Variants in NREP observed in about 807,000 individuals in gnomAD.
The protein encoded by NREP is neuronal regeneration related protein, also known as neuronal regeneration-related protein.
A neutral mutation model predicts 8.6 loss-of-function variants in NREP; 5 were observed. The observed-to-expected ratio is 0.58, with a 90% CI of 0.30 to 1.22. The LOEUF (loss-of-function observed/expected upper bound fraction) is 1.22. Ranked by LOEUF, NREP falls within the 50% of genes most tolerant of loss-of-function variation. NREP has a pLI of 0.07. For synonymous variants in NREP, 27 were observed against 28.0 expected (o/e 0.96, Z 0.11); for missense variants, 86 against 82.5 (o/e 1.04, Z -0.17).
At chr5:111,790,044 A>G (rs10463619) in intron 2 of NREP, among the ~76,000 whole-genome samples, 55,203 of 152,030 alleles carry the variant, frequency 0.36, 10,289 homozygotes, top group Middle Eastern at 0.47. Context: ...TTTTCTTTAT[A>G]TAGAAAGAAC....
upstream of NREP, chr5:111,757,397 AGT>A (rs1346591891): frequency 1.9e-5 from 18 of 972,808 alleles, no homozygotes; most frequent in Non-Finnish European, 2.0e-5. Context: ...TCTCTCCAAG[AGT>A]GTGTGTGTCT....
chr5:111,936,519 T>C (rs903157864), intron 2 of NREP, among the ~76,000 whole-genome samples: 1 of 152,098 alleles, frequency 6.6e-6, no homozygotes, highest in African/African-American at 2.4e-5. Flanking sequence ...AAAAATGGAC[T>C]AATACAGGGC....
chr5:111,768,885 G>T lies in NREP; in HGVS notation c.136-33378C>A, dbSNP rs146120728. Among the ~76,000 whole-genome samples the T allele has an allele frequency of 1.1e-4, 16 of 152,250 alleles. No individual in the cohort carries two copies. The East Asian group carries it at 3.1e-3, about 29-fold the overall frequency. ...CCTTTCAGATGTATACCCAATAATG[G>T]GAATGCTGGGTTGAATGGTAGTTCT... is the stretch of plus-strand genomic sequence containing the variant. On this transcript the variant is annotated intron_variant, in intron 2 of 3. Coordinates refer to the NREP transcript ENST00000395634.
intron 2 of NREP, among the ~76,000 whole-genome samples, chr5:111,912,010 G>C (rs970402568): frequency 9.9e-5 from 15 of 152,162 alleles, no homozygotes; most frequent in Middle Eastern, 3.4e-3. Context: ...AAGTGCCAAA[G>C]ACAAAATATA....
At chr5:111,826,180 C>T (rs1043107924) in intron 2 of NREP, among the ~76,000 whole-genome samples, 214 of 152,086 alleles carry the variant, frequency 1.4e-3, no homozygotes, top group African/African-American at 5.0e-3. Flanking sequence ...TGCTTTGTGT[C>T]TAGCTAAAGG....
At chr5:111,866,437 T>C (rs375803281) in intron 2 of NREP, among the ~76,000 whole-genome samples, 6 of 152,086 alleles carry the variant, frequency 3.9e-5, no homozygotes, top group Admixed American at 1.3e-4. Context: ...CAAATTAAAA[T>C]CACAATGAGA....
At chr5:111,922,281 A>G (rs1380690440) in intron 2 of NREP, among the ~76,000 whole-genome samples, 1 of 152,074 alleles carries the variant, frequency 6.6e-6, no homozygotes, top group East Asian at 1.9e-4. Flanking sequence ...ATGATATTGT[A>G]TGCCTAGTGC....
chr5:111,825,282 A>C (rs1436699967), intron 2 of NREP, among the ~76,000 whole-genome samples: 1 of 152,218 alleles, frequency 6.6e-6, no homozygotes, highest in East Asian at 1.9e-4. Context: ...TGTTCATATC[A>C]AAGCAAAGTG....
chr5:111,873,549 C>A (rs1420149977), intron 2 of NREP, among the ~76,000 whole-genome samples: 2 of 152,150 alleles, frequency 1.3e-5, no homozygotes, highest in African/African-American at 2.4e-5. Context: ...CTGGAAGATA[C>A]CTGCATTCCT....
chr5:111,800,085 CT>C (rs750853784), intron 2 of NREP, among the ~76,000 whole-genome samples: 226 of 141,124 alleles, frequency 1.6e-3, no homozygotes, highest in Non-Finnish European at 2.1e-3. Flanking sequence ...ACGCCAACTA[CT>C]TTTTTTTTTT....
At chr5:111,884,344 C>T (rs1319725177) in intron 2 of NREP, among the ~76,000 whole-genome samples, 2 of 151,702 alleles carry the variant, frequency 1.3e-5, no homozygotes, top group Non-Finnish European at 2.9e-5. Context: ...AGTTTACCAA[C>T]CAAAAAGAGT....
chr5:111,870,708 G>A (rs769450336), intron 2 of NREP, among the ~76,000 whole-genome samples: 2 of 152,030 alleles, frequency 1.3e-5, no homozygotes, highest in Non-Finnish European at 2.9e-5. Flanking sequence ...CAGTATAACT[G>A]ACATCCTTAC....
chr5:111,938,685 A>G (rs546317547), intron 2 of NREP, among the ~76,000 whole-genome samples: 2 of 152,130 alleles, frequency 1.3e-5, no homozygotes, highest in South Asian at 2.1e-4. Context: ...TCAAAGGCCT[A>G]TTGTAAACTT....
intron 2 of NREP, among the ~76,000 whole-genome samples, chr5:111,750,377 T>C (rs1750283388): frequency 6.6e-6 from 1 of 152,218 alleles, no homozygotes; most frequent in Non-Finnish European, 1.5e-5. Context: ...AGTCCACTTC[T>C]AGTTTCAAAT....
chr5:111,909,891 T>C (rs1189731463), intron 2 of NREP, among the ~76,000 whole-genome samples: 2 of 152,110 alleles, frequency 1.3e-5, no homozygotes, highest in African/African-American at 2.4e-5. Flanking sequence ...TGCATTATCA[T>C]CCTTGCAATT....
chr5:111,773,383 A>AG (rs1751282125), intron 2 of NREP, among the ~76,000 whole-genome samples: 1 of 152,178 alleles, frequency 6.6e-6, no homozygotes, highest in African/African-American at 2.4e-5. Flanking sequence ...GTCCTTGGCC[A>AG]CTCCAAGAAA....
intron 2 of NREP, among the ~76,000 whole-genome samples, chr5:111,953,801 C>A (rs1203494684): frequency 6.6e-6 from 1 of 151,966 alleles, no homozygotes; most frequent in African/African-American, 2.4e-5. Flanking sequence ...GGAGAAGAAT[C>A]ATCTCGGTTG....
chr5:111,852,076 G>A (rs1753323372), intron 2 of NREP, among the ~76,000 whole-genome samples: 1 of 152,114 alleles, frequency 6.6e-6, no homozygotes, highest in African/African-American at 2.4e-5. Context: ...CATGAGTGGA[G>A]TAGTGCCTTA....
chr5:111,791,260 A>G (rs1457850270), intron 2 of NREP, among the ~76,000 whole-genome samples: 1 of 152,180 alleles, frequency 6.6e-6, no homozygotes, highest in African/African-American at 2.4e-5. Context: ...TTTCAAGTAT[A>G]CAATGCATTG....
Sources: gnomAD v4.1 joint callset for allele counts (sites outside exome capture counted in the v4.1 genomes callset) on GRCh38, gnomAD v4.1.1 for gene constraint, MANE v1.5 for transcripts, NCBI Gene and HGNC (gene_info 2026-07-23, HGNC 2026-07-21) for gene names.